Variants in CNTNAP2 observed in about 807,000 individuals in gnomAD.
CNTNAP2 encodes the protein contactin associated protein 2, also known as contactin-associated protein-like 2.
Under a neutral mutation model 155.2 loss-of-function variants are expected in CNTNAP2, and 98 were observed. That is an observed-to-expected ratio of 0.63 (90% confidence interval 0.54 to 0.75). CNTNAP2 has a LOEUF of 0.75. Ranked by LOEUF, CNTNAP2 falls within the 30% of genes least tolerant of loss-of-function variation. The probability of loss-of-function intolerance (pLI) is 0.00; values close to 1 mark genes in which losing one functional copy is unlikely to be tolerated. For missense variants in CNTNAP2, 1,727 were observed against 1,688.1 expected (o/e 1.02, Z -0.40); for synonymous variants, 651 against 631.2 (o/e 1.03, Z -0.47).
chr7:147,167,531 A>G, intron 8 of CNTNAP2: 2 of 817,624 alleles, frequency 2.4e-6, no homozygotes, highest in Non-Finnish European at 4.0e-6. Flanking sequence ...AGCATGACTT[A>G]GAGGTTCTTC....
intron 21 of CNTNAP2, among the ~76,000 whole-genome samples, chr7:148,352,852 C>T (rs1243368055): frequency 1.3e-5 from 2 of 152,188 alleles, no homozygotes; most frequent in Admixed American, 1.3e-4. Context: ...CACACATTTA[C>T]CTTTTGGCCT....
At chr7:147,423,034 A>T (rs997519918) in intron 10 of CNTNAP2, among the ~76,000 whole-genome samples, 15 of 152,220 alleles carry the variant, frequency 9.9e-5, no homozygotes, top group African/African-American at 3.6e-4. Flanking sequence ...ACCAGTCAAG[A>T]AGTGTGAACA....
chr7:147,105,729 A>C (rs999033454), intron 4 of CNTNAP2, among the ~76,000 whole-genome samples: 2 of 152,090 alleles, frequency 1.3e-5, no homozygotes, highest in Admixed American at 6.6e-5. Context: ...CCATTCATAG[A>C]ATAACAACTT....
rs572727814 is a variant in CNTNAP2 at position 147,435,340 on chromosome 7, G to A, written c.1670+39560G>A. ...TCTCTGCCAAGATTCACCTTAGACC[G>A]GTGATTCTGGAACTTGAGCAAGCCT... is the stretch of plus-strand genomic sequence containing the variant. On this transcript the variant is annotated intron_variant, in intron 10 of 23. Coordinates refer to ENST00000361727, the MANE Select transcript of CNTNAP2 (RefSeq NM_014141.6). Among the ~76,000 whole-genome samples the A allele has an allele frequency of 2.8e-4, 42 of 152,220 alleles. 2 individuals are homozygous for A. In the South Asian group the frequency reaches 7.7e-3, roughly 28 times the overall value.
intron 1 of CNTNAP2, among the ~76,000 whole-genome samples, chr7:146,537,140 T>A (rs957860135): frequency 6.6e-6 from 1 of 152,112 alleles, no homozygotes; most frequent in Non-Finnish European, 1.5e-5. Context: ...TTTTGATAGA[T>A]AAGAAATTTT....
At chr7:146,458,776 C>A (rs1008369465) in intron 1 of CNTNAP2, among the ~76,000 whole-genome samples, 8 of 152,066 alleles carry the variant, frequency 5.3e-5, no homozygotes, top group African/African-American at 1.9e-4. Context: ...GGTCTCCTCC[C>A]ATCAGTTGAA....
At chr7:147,000,285 C>T (rs1798396300) in intron 3 of CNTNAP2, among the ~76,000 whole-genome samples, 1 of 151,950 alleles carries the variant, frequency 6.6e-6, no homozygotes, top group Non-Finnish European at 1.5e-5. Flanking sequence ...ATACCTTTAG[C>T]TGTTTTTCTG....
chr7:146,721,930 C>G lies in CNTNAP2; in HGVS notation c.98-52341C>G, dbSNP rs1333987480. ...TTGAGATGGAACCTGGCTCTGTAGC[C>G]CAGGCTGGAGTGCAGTGGCACGACT... On this transcript the variant is annotated intron_variant, in intron 1 of 23. Transcript: ENST00000361727. Among the ~76,000 whole-genome samples the G allele has an allele frequency of 3.1e-5, 4 of 127,934 alleles. No individual in the cohort carries two copies. The East Asian group carries it at 8.1e-4, about 26-fold the overall frequency. 83.9% of individuals were successfully genotyped at this position (127,934 alleles called of 152,430 possible).
At chr7:146,617,519 G>A (rs764397829) in intron 1 of CNTNAP2, among the ~76,000 whole-genome samples, 1 of 152,010 alleles carries the variant, frequency 6.6e-6, no homozygotes, top group Admixed American at 6.5e-5. Flanking sequence ...TGGCAATTTC[G>A]AATAGCCATT....
chr7:148,121,925 C>A (rs1448921365), intron 16 of CNTNAP2, among the ~76,000 whole-genome samples: 1 of 152,138 alleles, frequency 6.6e-6, no homozygotes, highest in Non-Finnish European at 1.5e-5. Context: ...AGGTACAGTG[C>A]TAGTGCTGAG....
intron 18 of CNTNAP2, among the ~76,000 whole-genome samples, chr7:148,191,031 A>G (rs1795196254): frequency 6.6e-6 from 1 of 152,196 alleles, no homozygotes; most frequent in African/African-American, 2.4e-5. Flanking sequence ...CTCCATGGGG[A>G]CTATCTTTGT....
At chr7:146,718,802 G>T (rs1801235924) in intron 1 of CNTNAP2, among the ~76,000 whole-genome samples, 1 of 151,140 alleles carries the variant, frequency 6.6e-6, no homozygotes, top group Non-Finnish European at 1.5e-5. Flanking sequence ...CTTTCTCCAA[G>T]AAGTTTGCTT....
At chr7:146,389,234 C>T (rs111746268) in intron 1 of CNTNAP2, among the ~76,000 whole-genome samples, 1 of 113,408 alleles carries the variant, frequency 8.8e-6, no homozygotes, top group African/African-American at 4.2e-5. Context: ...CACACACACA[C>T]ACACACACAC....
At chr7:146,826,444 G>A (rs763799363) in intron 2 of CNTNAP2, among the ~76,000 whole-genome samples, 6 of 151,968 alleles carry the variant, frequency 3.9e-5, no homozygotes, top group Admixed American at 1.3e-4. Flanking sequence ...CCAGCTTCCC[G>A]GGTCCCTTTG....
At chr7:146,399,479 C>T (rs562027138) in intron 1 of CNTNAP2, among the ~76,000 whole-genome samples, 9 of 152,256 alleles carry the variant, frequency 5.9e-5, no homozygotes, top group African/African-American at 1.9e-4. Context: ...CCAGCTTCAT[C>T]GATGTATTTG....
intron 11 of CNTNAP2, among the ~76,000 whole-genome samples, chr7:147,549,055 T>A (rs1799798496): frequency 6.6e-6 from 1 of 152,206 alleles, no homozygotes; most frequent in Non-Finnish European, 1.5e-5. Context: ...TCCACCTTTG[T>A]TCTTTTTACT....
At chr7:147,787,152 C>A (rs767547696) in intron 13 of CNTNAP2, among the ~76,000 whole-genome samples, 3 of 152,148 alleles carry the variant, frequency 2.0e-5, no homozygotes, top group Non-Finnish European at 2.9e-5. Context: ...TGCAGGTGTG[C>A]GCTTTCACTT....
At chr7:147,176,489 C>A (rs189096530) in intron 8 of CNTNAP2, among the ~76,000 whole-genome samples, 3,713 of 151,068 alleles carry the variant, frequency 0.025, 73 homozygotes, top group Middle Eastern at 0.054. Context: ...TATTTAAATT[C>A]TTCAAAATAG....
chr7:147,200,720 T>C (rs1802905334), intron 8 of CNTNAP2, among the ~76,000 whole-genome samples: 1 of 152,164 alleles, frequency 6.6e-6, no homozygotes, highest in Non-Finnish European at 1.5e-5. Flanking sequence ...CATGGAGAAG[T>C]CTCTCCCAAC....
Sources: gnomAD v4.1 joint callset for allele counts (sites outside exome capture counted in the v4.1 genomes callset) on GRCh38, gnomAD v4.1.1 for gene constraint, MANE v1.5 for transcripts, NCBI Gene and HGNC (gene_info 2026-07-23, HGNC 2026-07-21) for gene names.